Variants in APLP2 observed in about 807,000 individuals in gnomAD.
APLP2 encodes the protein CDEI box-binding protein.
In APLP2, 53 loss-of-function variants were observed where a neutral mutation model predicts 89.9. The observed-to-expected ratio is 0.59, with a 90% CI of 0.47 to 0.74. The LOEUF is 0.74. Ranked by LOEUF, APLP2 falls within the 30% of genes least tolerant of loss-of-function variation. The pLI, the probability that APLP2 is intolerant of heterozygous loss-of-function variation, is 0.00. For missense variants in APLP2, 973 were observed against 975.9 expected, an observed-to-expected ratio of 1.00 and a Z score of 0.04; for synonymous variants, 372 against 348.6, an observed-to-expected ratio of 1.07 and a Z score of -0.75.
intron 1 of APLP2, among the ~76,000 whole-genome samples, chr11:130,080,407 GT>G (rs1942942265): frequency 6.6e-6 from 1 of 152,028 alleles, no homozygotes; most frequent in South Asian, 2.1e-4. Context: ...GTTTCACCAT[GT>G]TGGCCAGGCT....
chr11:130,083,397 T>C (rs1050526437), intron 1 of APLP2, among the ~76,000 whole-genome samples: 3 of 152,070 alleles, frequency 2.0e-5, no homozygotes, highest in Non-Finnish European at 4.4e-5. Flanking sequence ...AAGTGCACAA[T>C]GCAGTATTGT....
At chr11:130,095,404 G>T (rs943796067) in intron 1 of APLP2, among the ~76,000 whole-genome samples, 1 of 152,258 alleles carries the variant, frequency 6.6e-6, no homozygotes, top group African/African-American at 2.4e-5. Flanking sequence ...ATGAAGTATT[G>T]ATTTGACCAT....
At chr11:130,101,624 C>A in intron 1 of APLP2, 1 of 171,264 alleles carries the variant, frequency 5.8e-6, no homozygotes, top group Non-Finnish European at 1.3e-5. Flanking sequence ...AGATTGAAAT[C>A]TAGGCATATA....
intron 1 of APLP2, among the ~76,000 whole-genome samples, chr11:130,107,343 G>T (rs1453305715): frequency 6.6e-6 from 1 of 152,214 alleles, no homozygotes. Context: ...GATGGGGATT[G>T]AGGGTTAGAT....
intron 3 of APLP2, among the ~76,000 whole-genome samples, chr11:130,112,910 T>G (rs1269843804): frequency 6.6e-6 from 1 of 152,192 alleles, no homozygotes. Context: ...TCGTGCACCA[T>G]CCAGCTCTCA....
At chr11:130,105,205 G>C (rs1000818454) in intron 1 of APLP2, among the ~76,000 whole-genome samples, 15 of 152,226 alleles carry the variant, frequency 9.9e-5, no homozygotes, top group African/African-American at 3.6e-4. Flanking sequence ...TTGAGCCCAA[G>C]AGTTTGAGAC....
chr11:130,130,213 G>A, intron 11 of APLP2, 47 bp downstream of exon 11: 1 of 1,613,254 alleles, frequency 6.2e-7, no homozygotes, highest in South Asian at 1.1e-5. Context: ...CATTTCCAGT[G>A]GGGAACATAA....
At chr11:130,133,558 C>A in intron 11 of APLP2, 71 bp from the exon 12 acceptor site, 2 of 1,119,924 alleles carry the variant, frequency 1.8e-6, no homozygotes, top group South Asian at 1.2e-5. Context: ...TGTCGATGTT[C>A]CAGCTGCAAG....
chr11:130,090,847 G>A (rs1944880512), intron 1 of APLP2, among the ~76,000 whole-genome samples: 1 of 151,798 alleles, frequency 6.6e-6, no homozygotes, highest in African/African-American at 2.4e-5. Flanking sequence ...CGGCCGGGCA[G>A]AGGCGCCCCT....
rs992453049 is a variant in APLP2 at position 130,085,460 on chromosome 11, A to C, written c.105+15378A>C. 2.7e-5 allele frequency among the ~76,000 whole-genome samples: 4 copies of C among 147,276 alleles called. No homozygotes were observed. In the South Asian group the frequency reaches 6.3e-4, roughly 23 times the overall value. Reference sequence around the variant, plus strand: ...GAGCGAGACTCCATCTCAAAAAAAAAACCAAAAAACAAAACAAAACAAAAA... The same window carrying C: ...GAGCGAGACTCCATCTCAAAAAAAACACCAAAAAACAAAACAAAACAAAAA... On this transcript the variant is annotated intron_variant, in intron 1 of 16. Transcript: ENST00000338167.
chr11:130,096,806 C>A (rs1453377000), intron 1 of APLP2, among the ~76,000 whole-genome samples: 1 of 152,136 alleles, frequency 6.6e-6, no homozygotes, highest in Non-Finnish European at 1.5e-5. Context: ...TTTATTCATT[C>A]TTTTTACTCG....
At chr11:130,109,836 G>T in intron 2 of APLP2, 1 of 424,244 alleles carries the variant, frequency 2.4e-6, no homozygotes, top group Non-Finnish European at 4.1e-6. Flanking sequence ...GCAGAAGCCT[G>T]GCAAGTGCCA....
chr11:130,071,314 C>G (rs1363922522), intron 1 of APLP2, among the ~76,000 whole-genome samples: 2 of 152,186 alleles, frequency 1.3e-5, no homozygotes, highest in Non-Finnish European at 2.9e-5. Flanking sequence ...CGGCTTAACA[C>G]CTTTGTATTC....
Position 130,130,651 on chromosome 11 carries a change from G to T in APLP2, c.1584+485G>T, listed in dbSNP as rs375850993. 3.5e-3 allele frequency among the ~76,000 whole-genome samples: 528 copies of T among 152,152 alleles called. 1 individual carries two copies. The highest frequency in any genetic ancestry group is 0.012 in the African/African-American group (505 of 41,528). ...ATATTAACTTGAGTTTTACTTTTTTGTATTCATAAAAATGAGCTTGCCTAC... is the reference window on the plus strand; with the variant it reads ...ATATTAACTTGAGTTTTACTTTTTTTTATTCATAAAAATGAGCTTGCCTAC... On this transcript the variant is annotated intron_variant, in intron 11 of 16. Transcript: ENST00000338167.
At chr11:130,122,229 A>G in intron 5 of APLP2, 76 bp from the exon 6 acceptor site, 1 of 1,528,338 alleles carries the variant, frequency 6.5e-7, no homozygotes, top group Non-Finnish European at 9.0e-7. Flanking sequence ...TGTGTTTCAG[A>G]ATAGAGAAGG....
intron 3 of APLP2, among the ~76,000 whole-genome samples, chr11:130,116,185 A>G (rs188325491): frequency 6.6e-6 from 1 of 152,116 alleles, no homozygotes; most frequent in Non-Finnish European, 1.5e-5. Flanking sequence ...AAAAAAAAAG[A>G]TAAAGTTGGC....
At chr11:130,098,231 C>A (rs567566056) in intron 1 of APLP2, among the ~76,000 whole-genome samples, 119 of 152,118 alleles carry the variant, frequency 7.8e-4, no homozygotes, top group African/African-American at 2.8e-3. Context: ...ACGGTGAAAC[C>A]CCATCTCTAC....
At chr11:130,093,376 C>A (rs544748332) in intron 1 of APLP2, among the ~76,000 whole-genome samples, 98 of 152,208 alleles carry the variant, frequency 6.4e-4, no homozygotes, top group African/African-American at 2.2e-3. Flanking sequence ...CAAGTTCTTA[C>A]CTCAAAGGAG....
intron 1 of APLP2, among the ~76,000 whole-genome samples, chr11:130,107,250 T>C (rs974395003): frequency 3.9e-5 from 6 of 152,210 alleles, no homozygotes; most frequent in South Asian, 2.1e-4. Flanking sequence ...TGATTTGGTG[T>C]GTGCAAAGGA....
Sources: allele counts gnomAD v4.1 joint callset (sites outside exome capture counted in the v4.1 genomes callset), GRCh38; gene constraint gnomAD v4.1.1; transcripts MANE v1.5; gene names NCBI Gene and HGNC (gene_info 2026-07-23, HGNC 2026-07-21).